Variants in ALLC observed in about 807,000 individuals in gnomAD.
ALLC encodes probable inactive allantoicase.
Under a neutral mutation model 45.0 loss-of-function variants are expected in ALLC, and 40 were observed. The ratio of observed to expected loss-of-function variants is 0.89; its 90% CI spans 0.69 to 1.16. The LOEUF (loss-of-function observed/expected upper bound fraction) is 1.16, where lower values mean the gene tolerates loss of function less well. Ranked by LOEUF, ALLC falls within the 50% of genes most tolerant of loss-of-function variation. The probability of loss-of-function intolerance (pLI) is 0.00; values close to 1 mark genes in which losing one functional copy is unlikely to be tolerated. For synonymous variants in ALLC, 176 were observed against 178.1 expected (o/e 0.99, Z 0.09); for missense variants, 488 against 493.1 (o/e 0.99, Z 0.10).
At chr2:3,692,277 A>G (rs186878787) in intron 7 of ALLC, among the ~76,000 whole-genome samples, 7 of 152,164 alleles carry the variant, frequency 4.6e-5, no homozygotes, top group African/African-American at 1.7e-4. Flanking sequence ...GGAGTGTCCA[A>G]TATTTTAGCT....
At chr2:3,673,947 C>A in intron 2 of ALLC, 128 bp from the exon 3 acceptor site, 1 of 678,164 alleles carries the variant, frequency 1.5e-6, no homozygotes, top group Non-Finnish European at 2.5e-6. Flanking sequence ...ACTGCAGATT[C>A]TGTCGCTTCC....
At chr2:3,659,899 C>T (rs1378976227) in intron 1 of ALLC, among the ~76,000 whole-genome samples, 3 of 152,242 alleles carry the variant, frequency 2.0e-5, no homozygotes, top group African/African-American at 7.2e-5. Context: ...ACAGCAGACA[C>T]TGGTTGGGCC....
chr2:3,656,422 T>A (rs1251977149), upstream of ALLC, among the ~76,000 whole-genome samples: 1 of 152,228 alleles, frequency 6.6e-6, no homozygotes, highest in Non-Finnish European at 1.5e-5. Context: ...CGATGGAAAG[T>A]TCTGTAGCTG....
At chr2:3,655,926 C>T (rs1226692573), upstream of ALLC, among the ~76,000 whole-genome samples, 1 of 152,244 alleles carries the variant, frequency 6.6e-6, no homozygotes, top group Non-Finnish European at 1.5e-5. Flanking sequence ...TCTGCTGGAG[C>T]GCTGCAAAGC....
rs1264027457 is a variant in ALLC at position 3,671,218 on chromosome 2, G to A, written c.33+28G>A. The stretch of plus-strand genomic sequence containing the variant: ...AAGTGGGTCTCTCATGGCCAAACAA[G>A]GGTTGAAGGCATCCGTGCTAAGGGC... On this transcript the variant is annotated intron_variant, in intron 2 of 11. Coordinates refer to ENST00000252505, the MANE Select transcript of ALLC (RefSeq NM_018436.4). 4 of 1,604,510 alleles carry A rather than the reference G, an allele frequency of 2.5e-6. No individual in the cohort carries two copies. The Admixed American group carries it at 6.8e-5, about 27-fold the overall frequency.
At position 3,680,321 on chromosome 2, in the gene ALLC, G is replaced by T. The variant is rs1319390481; in HGVS notation, c.298+327G>T. ...GCGGGAGGGAGTGGTTTGTGCCTCA[G>T]ATGACCCGGGTGATGTGGACCCAGG... On this transcript the variant is annotated intron_variant, in intron 5 of 11. Coordinates refer to ENST00000252505, the MANE Select transcript of ALLC (RefSeq NM_018436.4). The surrounding 1 kb of genome is among the most constrained non-coding windows in gnomAD (Gnocchi z 4.0). 6.6e-6 allele frequency among the ~76,000 whole-genome samples: 1 copy of T among 152,080 alleles called. No individual in the cohort carries two copies. Among genetic ancestry groups the T allele is most frequent in the African/African-American group, 2.4e-5 (1 of 41,334 alleles).
At chr2:3,651,085 C>T in the ALLC span, among the ~76,000 whole-genome samples, 2 of 152,004 alleles carry the variant, frequency 1.3e-5, no homozygotes, top group African/African-American at 4.8e-5. Flanking sequence ...AGCTGGCACG[C>T]GTGTATTTCT....
intron 7 of ALLC, among the ~76,000 whole-genome samples, chr2:3,693,410 G>T (rs1667573961): frequency 1.3e-5 from 2 of 152,212 alleles, no homozygotes; most frequent in South Asian, 4.1e-4. Context: ...TCTAAAAACA[G>T]TGCAAGAAAA....
chr2:3,660,741 A>C (rs972340905), intron 1 of ALLC, among the ~76,000 whole-genome samples: 12 of 151,862 alleles, frequency 7.9e-5, no homozygotes, highest in Non-Finnish European at 1.5e-4. Flanking sequence ...ATTTAAAGAG[A>C]GTGATGGGGT....
At chr2:3,653,580 TTGTTGGGGGATTG>T (rs1468042713), upstream of ALLC, among the ~76,000 whole-genome samples, 1 of 151,956 alleles carries the variant, frequency 6.6e-6, no homozygotes, top group African/African-American at 2.4e-5. This position sits in a 1 kb window ranked among gnomAD's most constrained non-coding sequence, Gnocchi z 4.1. Context: ...CCATCACAGT[TTGTTGGGGGATTG>T]TGGCAGCAGT....
At chr2:3,692,685 A>G (rs1667554632) in intron 7 of ALLC, among the ~76,000 whole-genome samples, 1 of 152,158 alleles carries the variant, frequency 6.6e-6, no homozygotes, top group Non-Finnish European at 1.5e-5. Flanking sequence ...GTTTGTCTCT[A>G]GGGGACCTGT....
At chr2:3,648,682 T>G in the ALLC span, among the ~76,000 whole-genome samples, 11 of 152,208 alleles carry the variant, frequency 7.2e-5, no homozygotes, top group Non-Finnish European at 1.5e-4. Context: ...CACGGGGCTG[T>G]AGGCTGTCCA....
At chr2:3,679,611 G>T (rs1667117076) in intron 4 of ALLC, among the ~76,000 whole-genome samples, 1 of 152,216 alleles carries the variant, frequency 6.6e-6, no homozygotes, top group Admixed American at 6.5e-5. Context: ...ACCAGAATCA[G>T]GTCTTCCTGG....
chr2:3,694,014 A>G (rs1667592271), intron 7 of ALLC, among the ~76,000 whole-genome samples: 1 of 152,192 alleles, frequency 6.6e-6, no homozygotes, highest in Non-Finnish European at 1.5e-5. Context: ...GAAAAAAAAC[A>G]AAAAACTGCA....
chr2:3,648,029 G>A, the ALLC span, among the ~76,000 whole-genome samples: 2 of 152,148 alleles, frequency 1.3e-5, no homozygotes, highest in East Asian at 3.9e-4. Context: ...TGATGGTGCA[G>A]TGGGCAGGTG....
chr2:3,649,296 C>CA, the ALLC span, among the ~76,000 whole-genome samples: 5 of 149,312 alleles, frequency 3.3e-5, no homozygotes, highest in Non-Finnish European at 7.4e-5. Context: ...GGCTGGAGTG[C>CA]AGTGGTGCGA....
chr2:3,678,405 C>A, intron 3 of ALLC, 63 bp from the exon 4 acceptor site: 3 of 1,428,334 alleles, frequency 2.1e-6, no homozygotes, highest in Non-Finnish European at 3.0e-6. Flanking sequence ...CAGAAGTGGA[C>A]TTGCTGGAAG....
upstream of ALLC, among the ~76,000 whole-genome samples, chr2:3,655,529 C>G (rs1233565641): frequency 6.6e-6 from 1 of 152,228 alleles, no homozygotes; most frequent in Non-Finnish European, 1.5e-5. Flanking sequence ...GATCACAGCT[C>G]ATTGTAGCCT....
rs983626107 is a variant in ALLC, at chr2:3,658,209, G to A, written c.-148G>A. ...CCTCAGGCCCCTATACATTCTCTCT[G>A]AGCTGGCACTCAAGCACCGTGGGAC... On this transcript the variant is annotated 5_prime_UTR_variant, in exon 1 of 12. Transcript: ENST00000252505. 1 of 152,304 alleles carries A rather than the reference G, an allele frequency of 6.6e-6. No individual in the cohort carries two copies. Among genetic ancestry groups the A allele is most frequent in the Non-Finnish European group, 1.5e-5 (1 of 68,102 alleles). The allele number at this position is 152,304 out of a possible 1,614,324, so 9.4% of individuals were successfully genotyped here.
Sources: allele counts gnomAD v4.1 joint callset (sites outside exome capture counted in the v4.1 genomes callset), GRCh38; gene constraint gnomAD v4.1.1; non-coding constraint Gnocchi (gnomAD v3.1); transcripts MANE v1.5; gene names NCBI Gene and HGNC (gene_info 2026-07-23, HGNC 2026-07-21).